FBRS: variants seen among roughly 807,000 people sequenced by gnomAD.
FBRS encodes probable fibrosin-1.
Under a neutral mutation model 86.1 loss-of-function variants are expected in FBRS, and 15 were observed. That is an observed-to-expected ratio of 0.17 (90% confidence interval 0.12 to 0.27). The LOEUF (loss-of-function observed/expected upper bound fraction) is 0.27. Ranked by LOEUF, FBRS falls within the 10% of genes least tolerant of loss-of-function variation. The probability of loss-of-function intolerance (pLI) is 1.00; values close to 1 mark genes in which losing one functional copy is unlikely to be tolerated. For synonymous variants in FBRS, 666 were observed against 575.8 expected, an observed-to-expected ratio of 1.16 and a Z score of -2.24; for missense variants, 1,367 against 1,301.6, an observed-to-expected ratio of 1.05 and a Z score of -0.77.
chr16:30,664,879 C>T lies in FBRS; in HGVS notation c.1522C>T (p.Pro508Ser), dbSNP rs1267138142. Reference sequence around the variant, plus strand: ...CCAGCACACCCACCAGCACTTCACCCCTTATCCCCCGGGCCTGCTGCCACC... The same window carrying T: ...CCAGCACACCCACCAGCACTTCACCTCTTATCCCCCGGGCCTGCTGCCACC... ...THQHTHQHFTPYPPGLLPPHG... is the reference protein window; with the variant it reads ...THQHTHQHFTSYPPGLLPPHG... The change falls in exon 8 of 18, where the codon CCT becomes TCT. Residue 508 changes from proline to serine, a missense_variant. Transcript: ENST00000356166. 3.1e-6 allele frequency: 5 copies of T among 1,608,794 alleles called. No individual in the cohort carries two copies. The highest frequency in any genetic ancestry group is 4.2e-6 in the Non-Finnish European group (5 of 1,177,796).
rs188423573 is a variant in FBRS at position 30,660,562 on chromosome 16, C to T, written c.639+120C>T. On this transcript the variant is annotated intron_variant, in intron 2 of 17. Transcript: ENST00000356166. ...CAGTTTCTAAGGGCAAAGAGGCAAG[C>T]AGGGCAAATTTGAGCCCTTACTCAT... 1,403 of 1,255,058 alleles carry T rather than the reference C, an allele frequency of 1.1e-3. 6 individuals are homozygous for T. In the Middle Eastern group the frequency reaches 0.018, roughly 16 times the overall value. 77.7% of individuals were successfully genotyped at this position (1,255,058 alleles called of 1,614,324 possible). A position where few individuals can be genotyped will look rare whatever the true frequency, so the allele number is the denominator to read the frequency against.
In FBRS at chr16:30,665,514, C is replaced by T; in HGVS notation, c.1704+113C>T. ...AAGTCGTGCCCATCCTCCTGCCCTG[C>T]CCTGCTGCACCCAGTTTTCTCCAAA... On this transcript the variant is annotated intron_variant, in intron 10 of 17. Transcript: ENST00000356166. This position sits in a 1 kb window ranked among gnomAD's most constrained non-coding sequence, Gnocchi z 4.1. The T allele has an allele frequency of 2.8e-6, 4 of 1,406,452 alleles. No individual in the cohort carries two copies. The highest frequency in any genetic ancestry group is 1.4e-5 in the African/African-American group (1 of 70,214). The allele number at this position is 1,406,452 out of a possible 1,614,324, so 87.1% of individuals were successfully genotyped here.
chr16:30,664,299 A>C lies in FBRS; in HGVS notation c.1140A>C (p.Ser380=). Residue 380 remains serine (S), a synonymous_variant, in exon 7 of 18, where the codon TCA becomes TCC. Transcript: ENST00000356166. ...PSSSSSSSSS[S]SASSSSAQLT... ...CATCCTCTTCGTCCTCCTCCTCCTCATCTGCCTCCTCCTCGTCCGCGCAGC... is the reference window on the plus strand; with the variant it reads ...CATCCTCTTCGTCCTCCTCCTCCTCCTCTGCCTCCTCCTCGTCCGCGCAGC... 3.4e-6 allele frequency: 5 copies of C among 1,458,194 alleles called. No individual in the cohort carries two copies. Among genetic ancestry groups the C allele is most frequent in the East Asian group, 5.4e-5 (2 of 37,004 alleles). The allele number at this position is 1,458,194 out of a possible 1,614,324, so 90.3% of individuals were successfully genotyped here. A position where few individuals can be genotyped will look rare whatever the true frequency, so the allele number is the denominator to read the frequency against.
Position 30,659,816 on chromosome 16 carries a change from G to A in FBRS, c.298G>A (p.Ala100Thr). The A allele has an allele frequency of 2.0e-6, 3 of 1,517,902 alleles. No individual in the cohort carries two copies. The highest frequency in any genetic ancestry group is 1.8e-6 in the Non-Finnish European group (2 of 1,137,360). The allele number at this position is 1,517,902 out of a possible 1,614,324, so 94.0% of individuals were successfully genotyped here. A position where few individuals can be genotyped will look rare whatever the true frequency, so the allele number is the denominator to read the frequency against. Reference protein sequence around the residue: ...PPRPRARKRPAGSGSRGEEEE... With the variant: ...PPRPRARKRPTGSGSRGEEEE... ...GCGACCCCGAGCTCGGAAGCGGCCT[G>A]CCGGCTCGGGCAGCCGCGGGGAGGA... The change falls in exon 1 of 18, where the codon GCC (alanine) becomes ACC (threonine). Residue 100 changes from alanine to threonine, a missense_variant. Physicochemically the swap from Ala to Thr is moderately conservative, Grantham distance 58. Around this residue, in one of 3 missense-constraint regions of FBRS, gnomAD observed 702 missense variants for 598.7 expected, o/e 1.17. Coordinates refer to ENST00000356166, the MANE Select transcript of FBRS (RefSeq NM_001105079.3).
Position 30,659,835 on chromosome 16 carries a change from G to GGGAGGAAGAGGAGGA in FBRS, c.324_338dup (p.Glu111_Glu115dup). ...CGGCCTGCCGGCTCGGGCAGCCGCG[G>GGGAGGAAGAGGAGGA]GGAGGAAGAGGAGGAGGAGGAGGAG... On this transcript the variant is annotated inframe_insertion, in exon 1 of 18. Transcript: ENST00000356166. 1 of 1,528,200 alleles carries GGGAGGAAGAGGAGGA rather than the reference G, an allele frequency of 6.5e-7. No individual in the cohort carries two copies. The highest frequency in any genetic ancestry group is 1.2e-5 in the South Asian group (1 of 83,628). The allele number at this position is 1,528,200 out of a possible 1,614,324, so 94.7% of individuals were successfully genotyped here.
In FBRS at chr16:30,664,509, C is replaced by G; in HGVS notation, c.1350C>G (p.Ala450=). 7.0e-7 allele frequency: 1 copy of G among 1,420,472 alleles called. No individual in the cohort carries two copies. The highest frequency in any genetic ancestry group is 1.5e-5 in the South Asian group (1 of 66,176). 88.0% of individuals were successfully genotyped at this position (1,420,472 alleles called of 1,614,324 possible). ...PGHPGASAAN[A]LSEQDLIGQD... ...ACCCTGGGGCCTCAGCCGCTAACGC[C>G]CTTTCTGGTGAGTTTGGGGTCCTGG... is the stretch of plus-strand genomic sequence containing the variant. Residue 450 remains alanine (A), a synonymous_variant, in exon 7 of 18, where the codon GCC becomes GCG. Coordinates refer to ENST00000356166, the MANE Select transcript of FBRS (RefSeq NM_001105079.3).
chr16:30,664,781 T>C lies in FBRS; in HGVS notation c.1424T>C (p.Val475Ala), dbSNP rs1428986909. 1.9e-6 allele frequency: 3 copies of C among 1,553,036 alleles called. No homozygotes were observed. Among genetic ancestry groups the C allele is most frequent in the African/African-American group, 2.7e-5 (2 of 73,104 alleles). ...AATGCCCAGGGTGGCCCTGAGGTGGTGGGGGCAGGGGGCTCGGCCCGGCCC... is the reference window on the plus strand; with the variant it reads ...AATGCCCAGGGTGGCCCTGAGGTGGCGGGGGCAGGGGGCTCGGCCCGGCCC... ...YLNAQGGPEVVGAGGSARPLA... is the reference protein window; with the variant it reads ...YLNAQGGPEVAGAGGSARPLA... The change falls in exon 8 of 18, where the codon GTG becomes GCG. Residue 475 changes from valine (V) to alanine (A), a missense_variant. Val to Ala is a moderately conservative substitution (Grantham distance 64). Around this residue, in one of 3 missense-constraint regions of FBRS, gnomAD observed 702 missense variants for 598.7 expected, o/e 1.17. Coordinates refer to ENST00000356166, the MANE Select transcript of FBRS (RefSeq NM_001105079.3).
chr16:30,665,314 G>A lies in FBRS; in HGVS notation c.1617G>A (p.Thr539=), dbSNP rs761662036. 41 of 1,562,184 alleles carry A rather than the reference G, an allele frequency of 2.6e-5. No individual in the cohort carries two copies. Among genetic ancestry groups the A allele is most frequent in the Non-Finnish European group, 3.0e-5 (35 of 1,154,118 alleles). ...CCCCCTTCTCTCCACAGCCGTACAC[G>A]GCCTTCCCTCCCGCAGTGCCCGGGC... ...MEGLFRHNPY[T]AFPPAVPGLP... Residue 539 remains threonine, a synonymous_variant, in exon 10 of 18, where the codon ACG becomes ACA. Coordinates refer to ENST00000356166, the MANE Select transcript of FBRS (RefSeq NM_001105079.3). This position sits in a 1 kb window ranked among gnomAD's most constrained non-coding sequence, Gnocchi z 4.1.
rs754679103 is a variant in FBRS, at chr16:30,669,092, A to G, written c.2390A>G (p.Gln797Arg). The change falls in exon 18 of 18, where the codon CAG (glutamine) becomes CGG (arginine). Residue 797 changes from glutamine to arginine, a missense_variant. By Grantham distance (43) the Gln-to-Arg change is conservative. Transcript: ENST00000356166. The surrounding 1 kb of genome is among the most constrained non-coding windows in gnomAD (Gnocchi z 5.9). ...KDRDLPFSRP[Q>R]LRVSPATPKA... is the part of the protein sequence containing the mutation. ...AGGGACCTCCCCTTCTCACGGCCCCAGCTCCGAGTTTCTCCTGCTACTCCC... is the reference window on the plus strand; with the variant it reads ...AGGGACCTCCCCTTCTCACGGCCCCGGCTCCGAGTTTCTCCTGCTACTCCC... The G allele has an allele frequency of 6.6e-7, 1 of 1,514,988 alleles. No individual in the cohort carries two copies. The highest frequency in any genetic ancestry group is 8.9e-7 in the Non-Finnish European group (1 of 1,123,186). 93.8% of individuals were successfully genotyped at this position (1,514,988 alleles called of 1,614,324 possible). A position where few individuals can be genotyped will look rare whatever the true frequency, so the allele number is the denominator to read the frequency against.
In FBRS at chr16:30,669,486, C is replaced by T. The variant is rs764967411; in HGVS notation, c.2784C>T (p.Arg928=). 3.1e-6 allele frequency: 5 copies of T among 1,613,250 alleles called. No individual in the cohort carries two copies. Among genetic ancestry groups the T allele is most frequent in the South Asian group, 1.1e-5 (1 of 91,090 alleles). The change falls in exon 18 of 18, where the codon CGC becomes CGT. Residue 928 remains arginine (R), a synonymous_variant. Transcript: ENST00000356166. This position sits in a 1 kb window ranked among gnomAD's most constrained non-coding sequence, Gnocchi z 5.9. ...CTGCTCACCCCTTGCTCTACAGCCG[C>T]TTGGCTCCTCCACCACCACCTGCTG... ...LEPAHPLLYS[R]LAPPPPPAAA...
rs1227772744 is a variant in FBRS, at chr16:30,659,248, C to T, written c.-271C>T. Reference sequence around the variant, plus strand: ...GGCCGGGAGCTGGACAACTTGGGGCCTCGCCTTAAAGGGACGGCCGCCCCG... The same window carrying T: ...GGCCGGGAGCTGGACAACTTGGGGCTTCGCCTTAAAGGGACGGCCGCCCCG... On this transcript the variant is annotated 5_prime_UTR_variant, in exon 1 of 18. Coordinates refer to ENST00000356166, the MANE Select transcript of FBRS (RefSeq NM_001105079.3). The T allele has an allele frequency of 5.2e-4, 85 of 164,438 alleles. No homozygotes were observed. Among genetic ancestry groups the T allele is most frequent in the Non-Finnish European group, 7.9e-5 (6 of 76,310 alleles). The allele number at this position is 164,438 out of a possible 1,614,324, so 10.2% of individuals were successfully genotyped here. A position where few individuals can be genotyped will look rare whatever the true frequency, so the allele number is the denominator to read the frequency against.
In FBRS at chr16:30,667,344, C is replaced by A. The variant is rs773308863; in HGVS notation, c.1900C>A (p.Arg634=). The change falls in exon 14 of 18, where the codon CGG becomes AGG. Residue 634 remains arginine (R), a synonymous_variant. Coordinates refer to ENST00000356166, the MANE Select transcript of FBRS (RefSeq NM_001105079.3). Reference sequence around the variant, plus strand: ...GGGTGACTCCCACAAGCTTGACTTTCGGAATGACCTCCTGCCCTGCCTTCC... The same window carrying A: ...GGGTGACTCCCACAAGCTTGACTTTAGGAATGACCTCCTGCCCTGCCTTCC... The part of the protein sequence containing the change: ...MKGDSHKLDF[R]NDLLPCLPGP... The A allele has an allele frequency of 6.4e-7, 1 of 1,553,868 alleles. No homozygotes were observed. Among genetic ancestry groups the A allele is most frequent in the South Asian group, 1.2e-5 (1 of 84,078 alleles).
chr16:30,661,251 T>C (rs767139270), intron 3 of FBRS, 36 bp downstream of exon 3: 8 of 1,550,754 alleles, frequency 5.2e-6, no homozygotes, highest in Non-Finnish European at 8.7e-7. Flanking sequence ...CCCTCCCTGC[T>C]CCACCCTGGG....
chr16:30,662,732 C>A lies in FBRS; in HGVS notation c.928C>A (p.Pro310Thr). The A allele has an allele frequency of 6.5e-7, 1 of 1,540,288 alleles. No individual in the cohort carries two copies. Among genetic ancestry groups the A allele is most frequent in the Middle Eastern group, 1.7e-4 (1 of 5,946 alleles). ...ACCGGTCCCTCGGCCTCCTGTCTCACCCCCTGCACCCCTGCCGGCCACTCC... is the reference window on the plus strand; with the variant it reads ...ACCGGTCCCTCGGCCTCCTGTCTCAACCCCTGCACCCCTGCCGGCCACTCC... The part of the protein sequence containing the change: ...PPPVPRPPVS[P>T]PAPLPATPSL... The change falls in exon 6 of 18, where the codon CCC becomes ACC. Residue 310 changes from proline to threonine, a missense_variant. Coordinates refer to ENST00000356166, the MANE Select transcript of FBRS (RefSeq NM_001105079.3).
chr16:30,660,662 T>G, intron 2 of FBRS: 3 of 714,728 alleles, frequency 4.2e-6, no homozygotes, highest in Non-Finnish European at 6.0e-6. Context: ...TCAAACGTTT[T>G]GATAATTCAG....
rs985738906 is a variant in FBRS, at chr16:30,659,372, C to T, written c.-147C>T. 1 of 199,000 alleles carries T rather than the reference C, an allele frequency of 5.0e-6. No individual in the cohort carries two copies. The highest frequency in any genetic ancestry group is 1.0e-5 in the Non-Finnish European group (1 of 99,588). 12.3% of individuals were successfully genotyped at this position (199,000 alleles called of 1,614,324 possible). A position where few individuals can be genotyped will look rare whatever the true frequency, so the allele number is the denominator to read the frequency against. On this transcript the variant is annotated 5_prime_UTR_variant, in exon 1 of 18. Transcript: ENST00000356166. The stretch of plus-strand genomic sequence containing the variant: ...CCCCGGGCCGTGGCCTTGGGGCAAG[C>T]TCGGGGCCAGCAGATCCGGCTTTAA...
intron 2 of FBRS, 96 bp downstream of exon 2, chr16:30,660,538 A>G (rs2052446891): frequency 8.0e-7 from 1 of 1,255,550 alleles, no homozygotes; most frequent in Non-Finnish European, 1.0e-6. Flanking sequence ...CAGAGACCCC[A>G]GTTTCTAAGG....
At chr16:30,662,373 C>T in intron 4 of FBRS, 47 bp from the exon 5 acceptor site, 1 of 1,549,140 alleles carries the variant, frequency 6.5e-7, no homozygotes, top group African/African-American at 1.4e-5. Context: ...TGGGTGGAGG[C>T]CTGGCCCACC....
chr16:30,663,514 G>GT (rs1352138590), intron 6 of FBRS, among the ~76,000 whole-genome samples: 1 of 144,014 alleles, frequency 6.9e-6, no homozygotes, highest in Non-Finnish European at 1.5e-5. Context: ...GGGAGGCTAA[G>GT]TTAAAAAAAA....
Sources: gnomAD v4.1 joint callset for allele counts (sites outside exome capture counted in the v4.1 genomes callset) on GRCh38, gnomAD v4.1.1 for gene constraint, gnomAD v4.1.1 regional missense constraint, Gnocchi (gnomAD v3.1) non-coding constraint, MANE v1.5 for transcripts, NCBI Gene and HGNC (gene_info 2026-07-23, HGNC 2026-07-21) for gene names.